The following DPP10 variants were observed in gnomAD, a reference collection of about 807,000 sequenced individuals.
The protein encoded by DPP10 is dipeptidyl peptidase like 10.
Under a neutral mutation model 120.9 loss-of-function variants are expected in DPP10, and 33 were observed. The observed-to-expected ratio is 0.27, with a 90% CI of 0.21 to 0.37. The LOEUF is 0.37. Among genes scored for constraint, DPP10 ranks in the 10% least tolerant of loss-of-function variants. DPP10 has a pLI of 1.00. For synonymous variants in DPP10, 337 were observed against 326.1 expected (o/e 1.03, Z -0.36); for missense variants, 816 against 942.8 (o/e 0.87, Z 1.76).
At chr2:115,095,216 G>C (rs1709614342) in intron 1 of DPP10, among the ~76,000 whole-genome samples, 1 of 152,146 alleles carries the variant, frequency 6.6e-6, no homozygotes. Context: ...GAGCCAAGTG[G>C]AAAATGTGGA....
At chr2:115,106,745 G>A (rs1270030586) in intron 1 of DPP10, among the ~76,000 whole-genome samples, 2 of 152,106 alleles carry the variant, frequency 1.3e-5, no homozygotes, top group African/African-American at 2.4e-5. Context: ...ACAGGCCTGA[G>A]CCACTGCACC....
chr2:115,168,552 T>C (rs2053076929), intron 1 of DPP10, among the ~76,000 whole-genome samples: 1 of 152,250 alleles, frequency 6.6e-6, no homozygotes, highest in South Asian at 2.1e-4. Context: ...TTTATTGACC[T>C]GATCCACAAG....
chr2:114,541,287 T>G (rs1178756967), intron 1 of DPP10, among the ~76,000 whole-genome samples: 1 of 152,236 alleles, frequency 6.6e-6, no homozygotes, highest in Non-Finnish European at 1.5e-5. Context: ...AGCATTCATA[T>G]TCCATCCAGT....
chr2:115,220,682 A>G (rs563880614), intron 1 of DPP10, among the ~76,000 whole-genome samples: 1 of 152,228 alleles, frequency 6.6e-6, no homozygotes, highest in Non-Finnish European at 1.5e-5. Flanking sequence ...TTTGGAAATT[A>G]TTAGACTTGC....
intron 19 of DPP10, among the ~76,000 whole-genome samples, chr2:115,811,975 T>A (rs1186954029): frequency 6.6e-6 from 1 of 152,162 alleles, no homozygotes; most frequent in Non-Finnish European, 1.5e-5. Context: ...TAAAAAACAG[T>A]TGTTATTGTC....
chr2:115,382,591 G>T (rs914273875), intron 3 of DPP10, among the ~76,000 whole-genome samples: 1 of 151,992 alleles, frequency 6.6e-6, no homozygotes, highest in Non-Finnish European at 1.5e-5. Flanking sequence ...TCTCTTTCCA[G>T]TGCTATCTCT....
intron 1 of DPP10, among the ~76,000 whole-genome samples, chr2:115,016,830 G>T (rs142186075): frequency 0.14 from 21,021 of 151,926 alleles, 1,501 homozygotes; most frequent in Middle Eastern, 0.16. Flanking sequence ...ATGATAGACT[G>T]GATTAAGAAA....
At chr2:114,971,749 C>A (rs1421948705) in intron 1 of DPP10, among the ~76,000 whole-genome samples, 6 of 152,154 alleles carry the variant, frequency 3.9e-5, no homozygotes, top group Non-Finnish European at 8.8e-5. Flanking sequence ...TTTTCTAAGG[C>A]ACAACTTCAG....
rs3068805 is a variant in DPP10, at chr2:115,308,693, GTTTTTT to G, written c.61-529_61-524del. ...CATTTAATTTAGTTAACTAAATCCT[GTTTTTT>G]TTTTTTTTTTTTTTTTATGAGTGGT... On this transcript the variant is annotated intron_variant, in intron 1 of 25. Transcript: ENST00000410059. Among the ~76,000 whole-genome samples, 509 of 126,618 alleles carry G rather than the reference GTTTTTT, an allele frequency of 4.0e-3. 3 individuals carry two copies. The highest frequency in any genetic ancestry group is 0.039 in the Middle Eastern group (9 of 230). The allele number at this position is 126,618 out of a possible 152,430, so 83.1% of individuals were successfully genotyped here.
At chr2:115,687,428 G>A (rs1212424176) in intron 5 of DPP10, among the ~76,000 whole-genome samples, 1 of 151,764 alleles carries the variant, frequency 6.6e-6, no homozygotes, top group African/African-American at 2.4e-5. Flanking sequence ...CAGAGTAAAG[G>A]GCTAGGTTCT....
intron 5 of DPP10, among the ~76,000 whole-genome samples, chr2:115,568,738 G>A (rs34186347): frequency 1.6e-4 from 24 of 151,580 alleles, no homozygotes; most frequent in South Asian, 4.2e-4. Context: ...CTTATGCTTC[G>A]CCCAGGCTAA....
chr2:114,885,326 G>A (rs1457356526), intron 1 of DPP10, among the ~76,000 whole-genome samples: 4 of 152,122 alleles, frequency 2.6e-5, no homozygotes, highest in East Asian at 1.9e-4. Context: ...CACAACCCAC[G>A]AGGACAGCGC....
intron 1 of DPP10, among the ~76,000 whole-genome samples, chr2:115,071,177 T>C (rs997554274): frequency 6.6e-6 from 1 of 152,160 alleles, no homozygotes. Flanking sequence ...ATTCTTTCTT[T>C]TTTCTCTTTT....
chr2:115,582,584 T>A (rs956404887), intron 5 of DPP10, among the ~76,000 whole-genome samples: 1 of 152,224 alleles, frequency 6.6e-6, no homozygotes, highest in African/African-American at 2.4e-5. Context: ...TATGCCTAGA[T>A]ACCTACTCTA....
intron 4 of DPP10, among the ~76,000 whole-genome samples, chr2:115,506,283 G>A (rs900443108): frequency 6.6e-5 from 10 of 152,012 alleles, no homozygotes; most frequent in South Asian, 2.1e-4. Context: ...TGAAACATGC[G>A]TGAGCATTCA....
intron 3 of DPP10, among the ~76,000 whole-genome samples, chr2:115,481,640 G>A (rs533520982): frequency 1.3e-5 from 2 of 151,964 alleles, no homozygotes; most frequent in South Asian, 4.2e-4. Context: ...TTATTTTGTC[G>A]ACTTTTTTCT....
intron 24 of DPP10, among the ~76,000 whole-genome samples, chr2:115,840,311 G>GTTGTT (rs1689961087): frequency 1.2e-4 from 4 of 33,242 alleles, no homozygotes; most frequent in African/African-American, 2.7e-4. Flanking sequence ...CAGATATAAG[G>GTTGTT]TTTTTTGGTT....
chr2:115,416,577 C>A (rs2069451509), intron 3 of DPP10, among the ~76,000 whole-genome samples: 1 of 152,088 alleles, frequency 6.6e-6, no homozygotes, highest in African/African-American at 2.4e-5. Context: ...GTATCAAGTT[C>A]TTAACTACTA....
chr2:115,302,945 G>A (rs1279260648), intron 1 of DPP10, among the ~76,000 whole-genome samples: 1 of 152,032 alleles, frequency 6.6e-6, no homozygotes, highest in Non-Finnish European at 1.5e-5. Context: ...TAAGTATTAA[G>A]TGCAACTTAA....
Sources: allele counts gnomAD v4.1 joint callset (sites outside exome capture counted in the v4.1 genomes callset), GRCh38; gene constraint gnomAD v4.1.1; transcripts MANE v1.5; gene names NCBI Gene and HGNC (gene_info 2026-07-23, HGNC 2026-07-21).